Variants in SETD5 observed in about 807,000 individuals in gnomAD.
SETD5 encodes the protein SET domain containing 5.
In SETD5, 44 loss-of-function variants were observed where a neutral mutation model predicts 153.3. That is an observed-to-expected ratio of 0.29 (90% CI 0.23 to 0.37). The LOEUF is 0.37. Among genes scored for constraint, SETD5 ranks in the 10% least tolerant of loss-of-function variants. SETD5 has a pLI of 1.00. For missense variants in SETD5, 1,544 were observed against 1,768.0 expected, an observed-to-expected ratio of 0.87 and a Z score of 2.27; for synonymous variants, 716 against 645.2, an observed-to-expected ratio of 1.11 and a Z score of -1.66.
At chr3:9,466,112 C>T (rs2044531917) in intron 18 of SETD5, among the ~76,000 whole-genome samples, 2 of 151,872 alleles carry the variant, frequency 1.3e-5, no homozygotes, top group South Asian at 2.1e-4. Flanking sequence ...CGTGGTGAAA[C>T]CCCGTCTCTA....
Position 9,428,834 on chromosome 3 carries a change from T to G in SETD5, c.-105T>G. The G allele has an allele frequency of 6.4e-6, 4 of 627,652 alleles. No homozygotes were observed. The South Asian group carries it at 9.7e-5, about 15-fold the overall frequency. The allele number at this position is 627,652 out of a possible 1,614,324, so 38.9% of individuals were successfully genotyped here. ...CTTTTCTGTTACAGGATTCCTCATG[T>G]CCATAACATGTTGGATGAGGCTCTG... On this transcript the variant is annotated 5_prime_UTR_variant, in exon 3 of 23. Coordinates refer to ENST00000402198, the MANE Select transcript of SETD5 (RefSeq NM_001080517.3).
At chr3:9,447,401 T>C in intron 14 of SETD5, 94 bp downstream of exon 14, 2 of 1,490,336 alleles carry the variant, frequency 1.3e-6, no homozygotes, top group Admixed American at 2.2e-5. Context: ...TGTTTTCAGC[T>C]TTGCTCCATA....
At chr3:9,455,119 T>C (rs1005940498) in intron 17 of SETD5, among the ~76,000 whole-genome samples, 18 of 151,834 alleles carry the variant, frequency 1.2e-4, no homozygotes, top group African/African-American at 4.3e-4. Context: ...ATTTTACTTC[T>C]TTTTAGATTT....
At chr3:9,435,524 G>T (rs539643401) in intron 6 of SETD5, among the ~76,000 whole-genome samples, 1 of 152,320 alleles carries the variant, frequency 6.6e-6, no homozygotes, top group Non-Finnish European at 1.5e-5. Flanking sequence ...ATACCATGAG[G>T]AACAGGGTTT....
chr3:9,436,206 C>G (rs1321273259), intron 7 of SETD5, among the ~76,000 whole-genome samples: 2 of 152,220 alleles, frequency 1.3e-5, no homozygotes, highest in African/African-American at 2.4e-5. Context: ...TAGGCTTCCA[C>G]TATCCTTACA....
intron 17 of SETD5, among the ~76,000 whole-genome samples, chr3:9,456,480 TA>T (rs369657820): frequency 3.6e-3 from 440 of 121,678 alleles, no homozygotes; most frequent in Middle Eastern, 9.5e-3. Context: ...CTTTAAAACT[TA>T]AAAAAAAAAA....
intron 1 of SETD5, among the ~76,000 whole-genome samples, chr3:9,403,442 T>G (rs1348519083): frequency 6.6e-6 from 1 of 152,180 alleles, no homozygotes; most frequent in Non-Finnish European, 1.5e-5. Flanking sequence ...TGGGTTGGGA[T>G]TGGACCTGAA....
At chr3:9,466,287 CAAAAAAAAAAAAA>C (rs146498301) in intron 18 of SETD5, among the ~76,000 whole-genome samples, 2 of 63,262 alleles carry the variant, frequency 3.2e-5, no homozygotes, top group East Asian at 6.6e-4. Context: ...GACTCCGTCT[CAAAAAAAAAAAAA>C]AAAAAAAAAG....
intron 3 of SETD5, chr3:9,433,384 G>A: frequency 7.8e-7 from 1 of 1,289,862 alleles, no homozygotes; most frequent in Non-Finnish European, 1.0e-6. Context: ...TCCTGTCTTG[G>A]TAGTGAATGG....
At chr3:9,424,071 G>A (rs62246307) in intron 1 of SETD5, among the ~76,000 whole-genome samples, 2,143 of 152,268 alleles carry the variant, frequency 0.014, 37 homozygotes, top group Middle Eastern at 0.027. Flanking sequence ...CTGGACAGTT[G>A]TCGGACATCG....
chr3:9,447,246 T>C lies in SETD5; in HGVS notation c.1721T>C (p.Val574Ala). The change falls in exon 14 of 23, where the codon GTT (valine) becomes GCT (alanine). Residue 574 changes from valine to alanine, a missense_variant. Transcript: ENST00000402198. ...GAAGTTAGCAACTCTGTTTCAAATG[T>C]TACCATCCCAAGCACCCCACAGAGT... ...ESEVSNSVSNVTIPSTPQSVG... is the reference protein window; with the variant it reads ...ESEVSNSVSNATIPSTPQSVG... The C allele has an allele frequency of 6.2e-7, 1 of 1,614,036 alleles. No homozygotes were observed. Among genetic ancestry groups the C allele is most frequent in the Non-Finnish European group, 8.5e-7 (1 of 1,179,890 alleles).
intron 1 of SETD5, among the ~76,000 whole-genome samples, chr3:9,401,368 C>T (rs1301525565): frequency 6.6e-6 from 1 of 152,158 alleles, no homozygotes; most frequent in South Asian, 2.1e-4. Flanking sequence ...CTCGAATTTC[C>T]TGTTGTTTGG....
At chr3:9,429,661 A>G (rs1033529927) in intron 3 of SETD5, among the ~76,000 whole-genome samples, 2 of 152,178 alleles carry the variant, frequency 1.3e-5, no homozygotes, top group Admixed American at 1.3e-4. Context: ...GCCAAATGAC[A>G]ATGAAGGTAG....
intron 17 of SETD5, among the ~76,000 whole-genome samples, chr3:9,454,622 C>CAAAAAAAAAAAAAAAAAAAAA (rs67028533): frequency 1.7e-5 from 1 of 57,984 alleles, no homozygotes; most frequent in Non-Finnish European, 3.2e-5. Flanking sequence ...AACTCCGTCT[C>CAAAAAAAAAAAAAAAAAAAAA]AAAAAAAAAA....
Position 9,447,196 on chromosome 3 carries a change from G to C in SETD5, c.1671G>C (p.Glu557Asp), listed in dbSNP as rs2042121208. Reference protein sequence around the residue: ...TTTSETPVGEETKTEAPESEV... With the variant: ...TTTSETPVGEDTKTEAPESEV... The stretch of plus-strand genomic sequence containing the variant: ...CCTCAGAGACTCCTGTTGGTGAAGA[G>C]ACAAAAACTGAAGCCCCTGAATCTG... The change falls in exon 14 of 23, where the codon GAG (glutamate) becomes GAC (aspartate). Residue 557 changes from glutamate (E) to aspartate (D), a missense_variant. By Grantham distance (45) the Glu-to-Asp change is conservative. Around this residue, in one of 9 missense-constraint regions of SETD5, gnomAD observed 782 missense variants for 787.2 expected, o/e 0.99. Coordinates refer to ENST00000402198, the MANE Select transcript of SETD5 (RefSeq NM_001080517.3). 1.2e-6 allele frequency: 2 copies of C among 1,613,900 alleles called. No individual in the cohort carries two copies. The highest frequency in any genetic ancestry group is 2.2e-5 in the East Asian group (1 of 44,894).
At chr3:9,453,608 T>C in intron 16 of SETD5, 131 bp from the exon 17 acceptor site, 1 of 804,270 alleles carries the variant, frequency 1.2e-6, no homozygotes, top group Non-Finnish European at 1.8e-6. Flanking sequence ...CACAAGACAA[T>C]AAAATGCTTG....
intron 18 of SETD5, among the ~76,000 whole-genome samples, chr3:9,470,107 T>C (rs1400500033): frequency 6.6e-6 from 1 of 152,166 alleles, no homozygotes; most frequent in Non-Finnish European, 1.5e-5. Flanking sequence ...CTAAGGTAAA[T>C]TCCTAATTAT....
intron 1 of SETD5, among the ~76,000 whole-genome samples, chr3:9,413,337 A>C (rs2036880961): frequency 6.6e-6 from 1 of 152,194 alleles, no homozygotes; most frequent in South Asian, 2.1e-4. Context: ...AATTAATGTA[A>C]TAGTGTGTTC....
intron 1 of SETD5, among the ~76,000 whole-genome samples, chr3:9,400,038 G>C (rs915833743): frequency 6.6e-6 from 1 of 152,192 alleles, no homozygotes; most frequent in Admixed American, 6.5e-5. Flanking sequence ...TGGCTGCAGG[G>C]AGCAGCACTT....
Sources: gnomAD v4.1 joint callset for allele counts (sites outside exome capture counted in the v4.1 genomes callset) on GRCh38, gnomAD v4.1.1 for gene constraint, gnomAD v4.1.1 regional missense constraint, MANE v1.5 for transcripts, NCBI Gene and HGNC (gene_info 2026-07-23, HGNC 2026-07-21) for gene names.